FAM184A: variants seen among roughly 807,000 people sequenced by gnomAD.
The protein encoded by FAM184A is protein FAM184A.
A neutral mutation model predicts 143.8 loss-of-function variants in FAM184A; 99 were observed. That is an observed-to-expected ratio of 0.69 (90% CI 0.58 to 0.81). The LOEUF is 0.81. Among genes scored for constraint, FAM184A ranks in the 40% least tolerant of loss-of-function variants. The probability of loss-of-function intolerance (pLI) is 0.00; values close to 1 mark genes in which losing one functional copy is unlikely to be tolerated. For missense variants in FAM184A, 1,217 were observed against 1,310.5 expected (o/e 0.93, Z 1.10); for synonymous variants, 427 against 446.4 (o/e 0.96, Z 0.55).
intron 1 of FAM184A, among the ~76,000 whole-genome samples, chr6:119,076,495 G>A (rs1446452528): frequency 6.6e-6 from 1 of 152,140 alleles, no homozygotes; most frequent in Non-Finnish European, 1.5e-5. Context: ...TACCAGTGGT[G>A]CTGACTTATT....
At chr6:119,058,177 T>C (rs918295291) in intron 1 of FAM184A, among the ~76,000 whole-genome samples, 44 of 71,348 alleles carry the variant, frequency 6.2e-4, no homozygotes, top group Admixed American at 2.0e-3. Flanking sequence ...CCTTCTCTCT[T>C]TTTTTTTTTT....
intron 1 of FAM184A, among the ~76,000 whole-genome samples, chr6:119,085,161 C>A (rs1477780602): frequency 4.6e-5 from 7 of 152,210 alleles, no homozygotes; most frequent in Non-Finnish European, 8.8e-5. Context: ...TACCACATGA[C>A]CAGGCTGCAA....
chr6:118,998,391 AG>A (rs1468766910), intron 9 of FAM184A, among the ~76,000 whole-genome samples: 1 of 152,228 alleles, frequency 6.6e-6, no homozygotes, highest in Non-Finnish European at 1.5e-5. Context: ...ACTATGTGCC[AG>A]GAACAGTTTT....
chr6:119,054,833 G>A (rs751787149), intron 1 of FAM184A, among the ~76,000 whole-genome samples: 3 of 150,560 alleles, frequency 2.0e-5, no homozygotes, highest in East Asian at 3.9e-4. Context: ...GAATATTCAC[G>A]CTTTGAGTCT....
intron 1 of FAM184A, among the ~76,000 whole-genome samples, chr6:119,066,190 C>T (rs1370038035): frequency 2.6e-5 from 4 of 152,132 alleles, no homozygotes; most frequent in African/African-American, 9.7e-5. Flanking sequence ...AATTTAACAC[C>T]AAGTGTCTTA....
Position 118,960,064 on chromosome 6 carries a change from T to C in FAM184A, c.*39A>G. 1 of 1,506,228 alleles carries C rather than the reference T, an allele frequency of 6.6e-7. No individual in the cohort carries two copies. Among genetic ancestry groups the C allele is most frequent in the East Asian group, 2.3e-5 (1 of 44,320 alleles). The allele number at this position is 1,506,228 out of a possible 1,614,324, so 93.3% of individuals were successfully genotyped here. On this transcript the variant is annotated 3_prime_UTR_variant, in exon 18 of 18. Coordinates refer to ENST00000338891, the MANE Select transcript of FAM184A (RefSeq NM_024581.6). ...AACAATCTGTATAAAGTCATGCTCT[T>C]AGTAACAGTCTATACAGAGCTGTGC...
intron 15 of FAM184A, 85 bp downstream of exon 15, chr6:118,966,750 C>G (rs76916558): frequency 6.9e-6 from 4 of 581,528 alleles, no homozygotes; most frequent in South Asian, 2.7e-5. Context: ...TTTCACTTAG[C>G]ATTACTTAAA....
At chr6:119,108,252 A>G (rs1158122766) in intron 1 of FAM184A, among the ~76,000 whole-genome samples, 2 of 151,896 alleles carry the variant, frequency 1.3e-5, no homozygotes, top group East Asian at 1.9e-4. Flanking sequence ...TTGATATATG[A>G]TGGGCAAATT....
intron 1 of FAM184A, among the ~76,000 whole-genome samples, chr6:119,088,666 C>A (rs1361546184): frequency 6.6e-6 from 1 of 152,136 alleles, no homozygotes; most frequent in Non-Finnish European, 1.5e-5. Context: ...TTATTTGCAT[C>A]TCAATGTTAT....
intron 1 of FAM184A, among the ~76,000 whole-genome samples, chr6:119,127,258 T>C (rs1789394693): frequency 6.6e-6 from 1 of 152,164 alleles, no homozygotes; most frequent in Non-Finnish European, 1.5e-5. Context: ...GGCCTCAAAT[T>C]TCACCTGCAA....
chr6:118,984,432 T>A (rs1784128059), intron 9 of FAM184A, among the ~76,000 whole-genome samples: 1 of 151,690 alleles, frequency 6.6e-6, no homozygotes, highest in Non-Finnish European at 1.5e-5. Context: ...CCTGCCTCAG[T>A]GTCTAAAAGT....
chr6:118,988,803 C>A (rs183647128), intron 9 of FAM184A, among the ~76,000 whole-genome samples: 1 of 152,116 alleles, frequency 6.6e-6, no homozygotes, highest in African/African-American at 2.4e-5. Flanking sequence ...CCTACATACC[C>A]CTCCCTCCTA....
At chr6:119,091,443 AT>A (rs1788364896) in intron 1 of FAM184A, among the ~76,000 whole-genome samples, 1 of 152,172 alleles carries the variant, frequency 6.6e-6, no homozygotes, top group South Asian at 2.1e-4. Context: ...CGATCTCTAA[AT>A]TGTTCATTCC....
intron 4 of FAM184A, among the ~76,000 whole-genome samples, chr6:119,017,390 T>C (rs1024030559): frequency 6.6e-6 from 1 of 151,530 alleles, no homozygotes; most frequent in South Asian, 2.1e-4. Flanking sequence ...CCCAGCTACT[T>C]GGGAGGCTGA....
At chr6:119,079,442 G>A (rs1787997524), upstream of FAM184A, among the ~76,000 whole-genome samples, 1 of 152,178 alleles carries the variant, frequency 6.6e-6, no homozygotes, top group Admixed American at 6.5e-5. Flanking sequence ...AGGATTTGGA[G>A]CTGGGCCAAA....
rs766516004 is a variant in FAM184A at position 119,095,075 on chromosome 6, T to C, written c.-202+54003A>G. Among the ~76,000 whole-genome samples, 37 of 152,222 alleles carry C rather than the reference T, an allele frequency of 2.4e-4. 2 individuals are homozygous for C. The highest frequency in any genetic ancestry group is 1.0e-4 in the Non-Finnish European group (7 of 68,016). On this transcript the variant is annotated intron_variant, in intron 1 of 16. Transcript: ENST00000352896. ...GACTCTGTCAGCATGCATAGGAAAG[T>C]GCATTACAGCTGCAGCAAAAAAAAT...
At chr6:119,047,004 T>C (rs954401317) in intron 1 of FAM184A, among the ~76,000 whole-genome samples, 4 of 151,644 alleles carry the variant, frequency 2.6e-5, no homozygotes, top group Admixed American at 6.6e-5. Flanking sequence ...ATAACCAGAA[T>C]ACATAAAAGC....
intron 1 of FAM184A, among the ~76,000 whole-genome samples, chr6:119,142,091 C>T (rs567719790): frequency 6.6e-5 from 10 of 152,300 alleles, no homozygotes; most frequent in African/African-American, 1.7e-4. Context: ...ATAGTTAAAG[C>T]GTTGAGAGTT....
intron 6 of FAM184A, among the ~76,000 whole-genome samples, chr6:119,011,006 GAAT>G (rs574898449): frequency 1.7e-3 from 263 of 152,216 alleles, no homozygotes; most frequent in Non-Finnish European, 1.4e-3. Flanking sequence ...GCAGTATAGA[GAAT>G]AATAAGCTAT....
Sources: gnomAD v4.1 joint callset for allele counts (sites outside exome capture counted in the v4.1 genomes callset) on GRCh38, gnomAD v4.1.1 for gene constraint, MANE v1.5 for transcripts, NCBI Gene and HGNC (gene_info 2026-07-23, HGNC 2026-07-21) for gene names.